Variants in RALYL observed in about 807,000 individuals in gnomAD.
RALYL encodes RNA-binding Raly-like protein.
A neutral mutation model predicts 35.1 loss-of-function variants in RALYL; 29 were observed. That is an observed-to-expected ratio of 0.83 (90% CI 0.61 to 1.13). The LOEUF is 1.13. Among genes scored for constraint, RALYL ranks in the 50% most tolerant of loss-of-function variants. RALYL has a pLI of 0.00. For missense variants in RALYL, 359 were observed against 360.4 expected (o/e 1.00, Z 0.03); for synonymous variants, 120 against 127.6 (o/e 0.94, Z 0.40).
In RALYL at chr8:84,913,554, T is replaced by A. The variant is rs549054455; in HGVS notation, c.859-7340T>A. Among the ~76,000 whole-genome samples the A allele has an allele frequency of 2.1e-4, 32 of 152,162 alleles. 1 individual carries two copies. In the South Asian group the frequency reaches 3.9e-3, roughly 19 times the overall value. On this transcript the variant is annotated intron_variant, in intron 8 of 8. Transcript: ENST00000521268. Reference sequence around the variant, plus strand: ...AGGAAAACATAGGTAAGTGAGTTGGTATCTGAAATCTATTTCAAAAAGTAA... The same window carrying A: ...AGGAAAACATAGGTAAGTGAGTTGGAATCTGAAATCTATTTCAAAAAGTAA...
chr8:84,574,915 A>G (rs140546096), intron 2 of RALYL, among the ~76,000 whole-genome samples: 37 of 152,256 alleles, frequency 2.4e-4, no homozygotes, highest in African/African-American at 8.7e-4. Flanking sequence ...AATTTTTAAA[A>G]ATAGTTGTTT....
At chr8:84,726,830 G>C (rs1468153266) in intron 2 of RALYL, among the ~76,000 whole-genome samples, 1 of 151,998 alleles carries the variant, frequency 6.6e-6, no homozygotes, top group Non-Finnish European at 1.5e-5. Flanking sequence ...TACTGTGCTA[G>C]GCCTTGTGAG....
intron 1 of RALYL, among the ~76,000 whole-genome samples, chr8:84,208,999 G>A (rs1377215591): frequency 6.6e-6 from 1 of 151,632 alleles, no homozygotes; most frequent in East Asian, 1.9e-4. Context: ...GGAGTTAGGC[G>A]AAGGCTGTAC....
chr8:84,754,183 C>T (rs1810792177), intron 2 of RALYL, among the ~76,000 whole-genome samples: 1 of 151,752 alleles, frequency 6.6e-6, no homozygotes, highest in East Asian at 1.9e-4. Flanking sequence ...GTTGCCATTG[C>T]TTTTGGTGTT....
intron 3 of RALYL, among the ~76,000 whole-genome samples, chr8:84,801,851 AC>A (rs1563635300): frequency 6.6e-6 from 1 of 152,216 alleles, no homozygotes; most frequent in Non-Finnish European, 1.5e-5. Context: ...AGGTGGTAAC[AC>A]AAAAACATTT....
intron 2 of RALYL, among the ~76,000 whole-genome samples, chr8:84,685,347 C>A (rs1045501774): frequency 1.3e-5 from 2 of 152,180 alleles, no homozygotes; most frequent in South Asian, 4.1e-4. Flanking sequence ...CTCTATGCCA[C>A]CAGGTGAGGC....
chr8:84,361,233 C>T (rs1364953035), intron 1 of RALYL, among the ~76,000 whole-genome samples: 1 of 152,104 alleles, frequency 6.6e-6, no homozygotes, highest in Non-Finnish European at 1.5e-5. Context: ...ATGTGATAAG[C>T]TCTAGTTGCC....
At chr8:84,635,229 G>A (rs1053184373) in intron 2 of RALYL, among the ~76,000 whole-genome samples, 3 of 151,608 alleles carry the variant, frequency 2.0e-5, no homozygotes, top group Admixed American at 1.3e-4. Context: ...ATGAAAAAGC[G>A]AAACAATATT....
chr8:84,743,484 A>G (rs1176357470), intron 2 of RALYL, among the ~76,000 whole-genome samples: 1 of 152,032 alleles, frequency 6.6e-6, no homozygotes, highest in Non-Finnish European at 1.5e-5. Flanking sequence ...ATTTATGCTC[A>G]ACATTTGAAA....
At chr8:84,730,257 C>T (rs1845891543) in intron 2 of RALYL, among the ~76,000 whole-genome samples, 1 of 152,000 alleles carries the variant, frequency 6.6e-6, no homozygotes, top group South Asian at 2.1e-4. Context: ...TGTAATCCAG[C>T]ATATAAATAG....
intron 2 of RALYL, among the ~76,000 whole-genome samples, chr8:84,626,462 A>G (rs1822755674): frequency 6.6e-6 from 1 of 152,212 alleles, no homozygotes; most frequent in Non-Finnish European, 1.5e-5. Flanking sequence ...TTATTAAGAA[A>G]ATCAATCCAG....
intron 1 of RALYL, among the ~76,000 whole-genome samples, chr8:84,340,926 C>T (rs764803765): frequency 6.6e-6 from 1 of 151,986 alleles, no homozygotes; most frequent in Admixed American, 6.6e-5. Context: ...TTTTACATTC[C>T]TACCAATACT....
chr8:84,306,502 C>T (rs1841843225), intron 1 of RALYL, among the ~76,000 whole-genome samples: 2 of 152,050 alleles, frequency 1.3e-5, no homozygotes, highest in South Asian at 4.1e-4. Flanking sequence ...GCCAATACAC[C>T]CATCCATAAT....
chr8:84,577,959 C>A (rs572864883), intron 2 of RALYL, among the ~76,000 whole-genome samples: 2 of 152,302 alleles, frequency 1.3e-5, no homozygotes, highest in Non-Finnish European at 2.9e-5. Context: ...ATTGCTTTTA[C>A]AGCTGGAAAC....
intron 1 of RALYL, among the ~76,000 whole-genome samples, chr8:84,281,702 T>C (rs1466531696): frequency 6.6e-6 from 1 of 152,156 alleles, no homozygotes; most frequent in African/African-American, 2.4e-5. Flanking sequence ...AAAAATTGTA[T>C]GTGTATGTGT....
At chr8:84,525,921 T>C (rs977892834) in intron 1 of RALYL, among the ~76,000 whole-genome samples, 4 of 151,516 alleles carry the variant, frequency 2.6e-5, no homozygotes, top group Admixed American at 2.0e-4. Context: ...TTTTATGTGA[T>C]TGAATGACTT....
chr8:84,189,187 T>C (rs1398416871), intron 1 of RALYL, among the ~76,000 whole-genome samples: 3 of 152,218 alleles, frequency 2.0e-5, no homozygotes, highest in African/African-American at 4.8e-5. Context: ...AGTCTTGCAC[T>C]GGTCTTCTGA....
At chr8:84,682,948 A>G (rs1046463336) in intron 2 of RALYL, among the ~76,000 whole-genome samples, 6 of 152,022 alleles carry the variant, frequency 3.9e-5, no homozygotes, top group South Asian at 2.1e-4. Context: ...TGTCAATTTT[A>G]GATCTTTCCT....
chr8:84,618,930 C>G (rs1352027102), intron 2 of RALYL, among the ~76,000 whole-genome samples: 1 of 126,536 alleles, frequency 7.9e-6, no homozygotes, highest in Non-Finnish European at 1.6e-5. Context: ...ATCCTGAGTT[C>G]TAGTTTGATT....
Sources: gnomAD v4.1 joint callset for allele counts (sites outside exome capture counted in the v4.1 genomes callset) on GRCh38, gnomAD v4.1.1 for gene constraint, MANE v1.5 for transcripts, NCBI Gene and HGNC (gene_info 2026-07-23, HGNC 2026-07-21) for gene names.